The following PSMD14 variants were observed in gnomAD, a reference collection of about 807,000 sequenced individuals.
PSMD14 encodes ubiquitin C-terminal hydrolase PSMD14.
PSMD14 carries 7 observed loss-of-function variants against 41.2 expected under a neutral mutation model. The observed-to-expected ratio is 0.17, with a 90% CI of 0.10 to 0.32. PSMD14 has a LOEUF of 0.32. Among genes scored for constraint, PSMD14 ranks in the 10% least tolerant of loss-of-function variants. PSMD14 has a pLI of 1.00. For missense variants in PSMD14, 139 were observed against 375.6 expected (o/e 0.37, Z 5.21); for synonymous variants, 114 against 122.3 (o/e 0.93, Z 0.45).
intron 7 of PSMD14, among the ~76,000 whole-genome samples, chr2:161,372,048 A>G (rs1683442402): frequency 6.6e-6 from 1 of 150,842 alleles, no homozygotes. Context: ...GAGCAGCTCT[A>G]TTATCACCTT....
At chr2:161,388,687 T>C (rs532084980) in intron 8 of PSMD14, among the ~76,000 whole-genome samples, 1 of 152,136 alleles carries the variant, frequency 6.6e-6, no homozygotes, top group Admixed American at 6.6e-5. Flanking sequence ...AGTTTATCAA[T>C]ATAAAATAAA....
chr2:161,359,276 T>G (rs1029470082), intron 3 of PSMD14, among the ~76,000 whole-genome samples: 7 of 152,232 alleles, frequency 4.6e-5, no homozygotes, highest in Admixed American at 3.9e-4. Context: ...CTGGCCCTAC[T>G]CAGTTCTTTA....
chr2:161,402,430 C>T (rs1434110612), intron 10 of PSMD14, among the ~76,000 whole-genome samples: 2 of 151,912 alleles, frequency 1.3e-5, no homozygotes, highest in Non-Finnish European at 2.9e-5. Flanking sequence ...ATCACTTGAG[C>T]CCAGGAGTTC....
At chr2:161,324,540 T>C (rs1192235385) in intron 3 of PSMD14, among the ~76,000 whole-genome samples, 1 of 152,070 alleles carries the variant, frequency 6.6e-6, no homozygotes, top group Non-Finnish European at 1.5e-5. Flanking sequence ...TAAAGGAGTC[T>C]GAAGTTGGTT....
chr2:161,348,242 G>T (rs545140813), intron 3 of PSMD14, among the ~76,000 whole-genome samples: 7 of 152,068 alleles, frequency 4.6e-5, no homozygotes, highest in Non-Finnish European at 1.0e-4. Flanking sequence ...TTATAACAGG[G>T]TTTGATAATC....
At chr2:161,349,866 T>C (rs942687562) in intron 3 of PSMD14, among the ~76,000 whole-genome samples, 1 of 152,198 alleles carries the variant, frequency 6.6e-6, no homozygotes, top group Non-Finnish European at 1.5e-5. Context: ...ATGTATTTGT[T>C]GATTAATGAA....
chr2:161,333,041 C>T (rs1048865369), intron 3 of PSMD14, among the ~76,000 whole-genome samples: 3 of 152,160 alleles, frequency 2.0e-5, no homozygotes, highest in African/African-American at 7.2e-5. Context: ...TCTACGTGTA[C>T]CCCTTGTGTG....
chr2:161,325,271 A>C (rs747024281), intron 3 of PSMD14, among the ~76,000 whole-genome samples: 2 of 152,162 alleles, frequency 1.3e-5, no homozygotes, highest in Non-Finnish European at 2.9e-5. Context: ...GAATGTGGTG[A>C]GATATAGTGT....
chr2:161,343,565 C>T (rs1252012598), intron 3 of PSMD14, among the ~76,000 whole-genome samples: 2 of 152,156 alleles, frequency 1.3e-5, no homozygotes, highest in African/African-American at 2.4e-5. Flanking sequence ...CAGTGGCTCA[C>T]GCCTGTAAAC....
At chr2:161,368,201 G>A (rs1238458318) in intron 5 of PSMD14, among the ~76,000 whole-genome samples, 1 of 152,026 alleles carries the variant, frequency 6.6e-6, no homozygotes, top group East Asian at 1.9e-4. Flanking sequence ...TAATAGCAGA[G>A]TGTTAGTTTG....
chr2:161,370,738 A>G (rs1683420694), intron 6 of PSMD14, among the ~76,000 whole-genome samples: 1 of 152,156 alleles, frequency 6.6e-6, no homozygotes, highest in South Asian at 2.1e-4. Context: ...CTGAGTTCCT[A>G]GTTCTACTGC....
chr2:161,380,853 C>T (rs1277558802), intron 7 of PSMD14, among the ~76,000 whole-genome samples: 1 of 151,948 alleles, frequency 6.6e-6, no homozygotes, highest in Non-Finnish European at 1.5e-5. Flanking sequence ...TGCATGGCAG[C>T]AGAAGTAACG....
chr2:161,321,395 A>G (rs1046958664), intron 3 of PSMD14, among the ~76,000 whole-genome samples: 2 of 152,204 alleles, frequency 1.3e-5, no homozygotes, highest in African/African-American at 4.8e-5. Flanking sequence ...ATCTATACGA[A>G]TAACCCAATT....
intron 7 of PSMD14, among the ~76,000 whole-genome samples, chr2:161,379,240 T>C (rs1009797277): frequency 1.3e-5 from 2 of 152,028 alleles, no homozygotes; most frequent in African/African-American, 4.8e-5. Context: ...TTGACACTCT[T>C]AAGTTGATAT....
At chr2:161,336,804 G>A (rs1456478245) in intron 3 of PSMD14, among the ~76,000 whole-genome samples, 1 of 152,112 alleles carries the variant, frequency 6.6e-6, no homozygotes, top group East Asian at 1.9e-4. Flanking sequence ...TCAAACTCCT[G>A]GCCTCAGGTG....
intron 3 of PSMD14, among the ~76,000 whole-genome samples, chr2:161,337,995 C>T (rs897662755): frequency 3.3e-5 from 5 of 152,024 alleles, no homozygotes; most frequent in African/African-American, 4.8e-5. Flanking sequence ...AATCTAAAAA[C>T]ATTTTGTAAC....
At chr2:161,405,028 C>T (rs1683930512) in intron 10 of PSMD14, among the ~76,000 whole-genome samples, 1 of 152,198 alleles carries the variant, frequency 6.6e-6, no homozygotes, top group African/African-American at 2.4e-5. Context: ...ATGTTCATTA[C>T]TTCAGATGCT....
chr2:161,355,995 C>T (rs1288895077), intron 3 of PSMD14, among the ~76,000 whole-genome samples: 1 of 152,220 alleles, frequency 6.6e-6, no homozygotes, highest in Non-Finnish European at 1.5e-5. Flanking sequence ...AATTAATTTG[C>T]TCTACTCTTC....
intron 3 of PSMD14, among the ~76,000 whole-genome samples, chr2:161,333,416 T>C (rs942667840): frequency 1.3e-5 from 2 of 152,218 alleles, no homozygotes; most frequent in Admixed American, 1.3e-4. Flanking sequence ...ATGGCCCATG[T>C]CACTTTTTGG....
Sources: allele counts gnomAD v4.1 joint callset (sites outside exome capture counted in the v4.1 genomes callset), GRCh38; gene constraint gnomAD v4.1.1; transcripts MANE v1.5; gene names NCBI Gene and HGNC (gene_info 2026-07-23, HGNC 2026-07-21).